KCNJ10: variants seen among roughly 807,000 people sequenced by gnomAD.
KCNJ10 encodes the protein potassium inwardly rectifying channel subfamily J member 10.
KCNJ10 carries 9 observed loss-of-function variants against 22.2 expected under a neutral mutation model. The ratio of observed to expected loss-of-function variants is 0.40; its 90% CI spans 0.24 to 0.71. The LOEUF (loss-of-function observed/expected upper bound fraction) is 0.71, where lower values mean the gene tolerates loss of function less well. Among genes scored for constraint, KCNJ10 ranks in the 30% least tolerant of loss-of-function variants. The pLI is 0.35. For synonymous variants in KCNJ10, 184 were observed against 187.3 expected, an observed-to-expected ratio of 0.98 and a Z score of 0.15; for missense variants, 337 against 482.7, an observed-to-expected ratio of 0.70 and a Z score of 2.83.
chr1:160,047,501 CA>C (rs1253618135), intron 1 of KCNJ10, among the ~76,000 whole-genome samples: 1 of 152,146 alleles, frequency 6.6e-6, no homozygotes, highest in Non-Finnish European at 1.5e-5. Context: ...CCCTGAACTC[CA>C]ACGCAGAGCC....
At chr1:160,068,662 T>C (rs975455498) in intron 1 of KCNJ10, among the ~76,000 whole-genome samples, 1 of 152,166 alleles carries the variant, frequency 6.6e-6, no homozygotes, top group Admixed American at 6.5e-5. Context: ...CCTGGTTCCT[T>C]CCAAACTTGG....
chr1:160,057,862 G>T (rs1272993567), intron 1 of KCNJ10, among the ~76,000 whole-genome samples: 1 of 152,120 alleles, frequency 6.6e-6, no homozygotes, highest in Non-Finnish European at 1.5e-5. Context: ...CTTTGAACTT[G>T]AAGTGGTGTT....
At chr1:160,068,943 C>T (rs1649389180) in intron 1 of KCNJ10, among the ~76,000 whole-genome samples, 1 of 152,202 alleles carries the variant, frequency 6.6e-6, no homozygotes, top group South Asian at 2.1e-4. Flanking sequence ...CCCTCCCACC[C>T]AGGCAGCCTA....
intron 1 of KCNJ10, among the ~76,000 whole-genome samples, chr1:160,059,723 C>T (rs1424240147): frequency 6.6e-6 from 1 of 152,174 alleles, no homozygotes; most frequent in Non-Finnish European, 1.5e-5. Context: ...TCAAGGGATT[C>T]CTTTGAGGCC....
intron 1 of KCNJ10, among the ~76,000 whole-genome samples, chr1:160,051,641 A>G (rs1648907667): frequency 6.6e-6 from 1 of 151,976 alleles, no homozygotes. Context: ...CCAGACAGGT[A>G]TGCAAAATTC....
intron 1 of KCNJ10, among the ~76,000 whole-genome samples, chr1:160,052,412 TC>T (rs1254543638): frequency 6.6e-6 from 1 of 152,190 alleles, no homozygotes; most frequent in Non-Finnish European, 1.5e-5. Context: ...GCTTACATAA[TC>T]CTTGCAGTAC....
chr1:160,049,681 A>ATATATATATATATATATATATATATATT (rs1648842433), intron 1 of KCNJ10, among the ~76,000 whole-genome samples: 18 of 75,310 alleles, frequency 2.4e-4, no homozygotes, highest in African/African-American at 2.9e-4. Context: ...TTATTTATAT[A>ATATATATATATATATATATATATATATT]TATATATATA....
At position 160,041,948 on chromosome 1, in the gene KCNJ10, G is replaced by A. The variant is rs1484203998; in HGVS notation, c.585C>T (p.Cys195=). The A allele has an allele frequency of 2.5e-6, 4 of 1,610,504 alleles. No individual in the cohort carries two copies. The highest frequency in any genetic ancestry group is 2.5e-6 in the Non-Finnish European group (3 of 1,177,516). ...AVVASHNGKP[C]LMIRVANMRK... is the part of the protein sequence containing the mutation. ...GCATATTGGCAACTCGGATCATGAG[G>A]CAGGGCTTGCCATTGTGGGAGGCCA... Residue 195 remains cysteine (C), a synonymous_variant, in exon 2 of 2, where the codon TGC becomes TGT. Coordinates refer to ENST00000644903, the MANE Select transcript of KCNJ10 (RefSeq NM_002241.5). The surrounding 1 kb of genome is among the most constrained non-coding windows in gnomAD (Gnocchi z 4.4).
chr1:160,063,146 G>A (rs554971105), intron 1 of KCNJ10, among the ~76,000 whole-genome samples: 2 of 152,136 alleles, frequency 1.3e-5, no homozygotes, highest in Admixed American at 1.3e-4. Flanking sequence ...TCCTGCCCAG[G>A]GAACCCCAGC....
rs1648587096 is a variant in KCNJ10, at chr1:160,041,052, AG to A, written c.*340del. The A allele has an allele frequency of 2.7e-6, 1 of 367,918 alleles. No homozygotes were observed. Among genetic ancestry groups the A allele is most frequent in the Admixed American group, 3.8e-5 (1 of 26,148 alleles). The allele number at this position is 367,918 out of a possible 1,614,324, so 22.8% of individuals were successfully genotyped here. On this transcript the variant is annotated 3_prime_UTR_variant, in exon 2 of 2. Coordinates refer to ENST00000644903, the MANE Select transcript of KCNJ10 (RefSeq NM_002241.5). The surrounding 1 kb of genome is among the most constrained non-coding windows in gnomAD (Gnocchi z 4.4). ...AAACTTCATGGTGGTGGTGGGAGGTAGGGGGCAGTCTATCCTTCCAACCACA... is the reference window on the plus strand; with the variant it reads ...AAACTTCATGGTGGTGGTGGGAGGTAGGGGCAGTCTATCCTTCCAACCACA...
At position 160,041,389 on chromosome 1, in the gene KCNJ10, G is replaced by T; in HGVS notation, c.*4C>A. The T allele has an allele frequency of 6.2e-7, 1 of 1,610,842 alleles. No individual in the cohort carries two copies. The highest frequency in any genetic ancestry group is 8.5e-7 in the Non-Finnish European group (1 of 1,178,864). On this transcript the variant is annotated 3_prime_UTR_variant, in exon 2 of 2. Transcript: ENST00000644903. This position sits in a 1 kb window ranked among gnomAD's most constrained non-coding sequence, Gnocchi z 4.4. ...CAGAGGAATGGGGGAGTGGGAACAG[G>T]TCATCAGACATTGCTGATGCGCACA...
At chr1:160,044,726 C>G (rs1263690341) in intron 1 of KCNJ10, 1 of 152,166 alleles carries the variant, frequency 6.6e-6, no homozygotes, top group African/African-American at 2.4e-5. Context: ...TCAAAATGGC[C>G]TAATTTTGGC....
chr1:160,047,343 TC>T (rs1490235770), intron 1 of KCNJ10, among the ~76,000 whole-genome samples: 1 of 152,112 alleles, frequency 6.6e-6, no homozygotes, highest in Non-Finnish European at 1.5e-5. Context: ...TTCAACCTCC[TC>T]CCAGGGACAG....
chr1:160,042,780 T>C (rs1648643346), intron 1 of KCNJ10, among the ~76,000 whole-genome samples: 1 of 151,792 alleles, frequency 6.6e-6, no homozygotes, highest in African/African-American at 2.4e-5. Flanking sequence ...CTACTAAAAA[T>C]ACAAAAATTA....
intron 1 of KCNJ10, among the ~76,000 whole-genome samples, chr1:160,061,518 A>G (rs4656872): frequency 0.51 from 77,821 of 151,724 alleles, 20,361 homozygotes; most frequent in East Asian, 0.72. Context: ...TCCATGGTTG[A>G]GGCAGGAATG....
At chr1:160,047,332 C>T (rs575359460) in intron 1 of KCNJ10, among the ~76,000 whole-genome samples, 123 of 152,258 alleles carry the variant, frequency 8.1e-4, no homozygotes, top group African/African-American at 2.6e-3. Context: ...AGAAAGAGTG[C>T]TTCAACCTCC....
At chr1:160,066,013 C>T (rs1313893984) in intron 1 of KCNJ10, among the ~76,000 whole-genome samples, 2 of 151,866 alleles carry the variant, frequency 1.3e-5, no homozygotes, top group Non-Finnish European at 2.9e-5. Flanking sequence ...CAAACCTGGG[C>T]CGGGAGAGGG....
At chr1:160,056,381 G>A (rs1409484853) in intron 1 of KCNJ10, among the ~76,000 whole-genome samples, 4 of 152,142 alleles carry the variant, frequency 2.6e-5, no homozygotes, top group Non-Finnish European at 5.9e-5. Context: ...TATTTTCCCT[G>A]TGCAGCCCAT....
intron 1 of KCNJ10, among the ~76,000 whole-genome samples, chr1:160,059,960 G>A (rs1487140828): frequency 6.6e-6 from 1 of 152,092 alleles, no homozygotes; most frequent in Admixed American, 6.5e-5. Flanking sequence ...AATGGAGCTG[G>A]AGACACAGAG....
Sources: gnomAD v4.1 joint callset for allele counts (sites outside exome capture counted in the v4.1 genomes callset) on GRCh38, gnomAD v4.1.1 for gene constraint, Gnocchi (gnomAD v3.1) non-coding constraint, MANE v1.5 for transcripts, NCBI Gene and HGNC (gene_info 2026-07-23, HGNC 2026-07-21) for gene names.